Variants in TENM3 observed in about 807,000 individuals in gnomAD.
The protein encoded by TENM3 is teneurin-3.
Under a neutral mutation model 255.1 loss-of-function variants are expected in TENM3, and 63 were observed. The ratio of observed to expected loss-of-function variants is 0.25; its 90% confidence interval spans 0.20 to 0.30. The LOEUF (loss-of-function observed/expected upper bound fraction) is 0.30. TENM3 is among the 10% of genes least tolerant of loss of function. The probability of loss-of-function intolerance (pLI) is 1.00; values close to 1 mark genes in which losing one functional copy is unlikely to be tolerated. For synonymous variants in TENM3, 1,306 were observed against 1,322.3 expected, an observed-to-expected ratio of 0.99 and a Z score of 0.27; for missense variants, 2,929 against 3,461.1, an observed-to-expected ratio of 0.85 and a Z score of 3.86.
At chr4:181,728,992 C>T in the TENM3 span, among the ~76,000 whole-genome samples, 1 of 152,030 alleles carries the variant, frequency 6.6e-6, no homozygotes. Flanking sequence ...TTCAGTATAA[C>T]AATCAATTTA....
chr4:182,784,327 T>A (rs1293048055), intron 24 of TENM3, among the ~76,000 whole-genome samples: 1 of 151,886 alleles, frequency 6.6e-6, no homozygotes, highest in Non-Finnish European at 1.5e-5. Context: ...GAGGTGTCAG[T>A]GTGCCCCTGC....
chr4:182,161,268 T>G, intron 1 of TENM3, among the ~76,000 whole-genome samples: 2 of 137,786 alleles, frequency 1.5e-5, no homozygotes, highest in East Asian at 2.6e-4. Context: ...TACAAAAAAT[T>G]AGCCGGGCGT....
At chr4:181,992,988 T>A in the TENM3 span, among the ~76,000 whole-genome samples, 2 of 152,150 alleles carry the variant, frequency 1.3e-5, no homozygotes, top group South Asian at 2.1e-4. Context: ...AAGTATTCAA[T>A]AAGAGTAGAC....
intron 2 of TENM3, 77 bp from the exon 3 acceptor site, chr4:182,346,573 CT>C: frequency 9.4e-7 from 1 of 1,061,528 alleles, no homozygotes; most frequent in Non-Finnish European, 1.3e-6. Context: ...GAAAGACATT[CT>C]TAAAAAAAAA....
intron 1 of TENM3, among the ~76,000 whole-genome samples, chr4:182,271,071 T>C (rs1437146007): frequency 6.6e-6 from 1 of 152,248 alleles, no homozygotes; most frequent in African/African-American, 2.4e-5. Flanking sequence ...ACCCGTGTTC[T>C]CTTATCTCTG....
intron 4 of TENM3, among the ~76,000 whole-genome samples, chr4:182,617,578 A>G (rs1749657587): frequency 6.6e-6 from 1 of 152,212 alleles, no homozygotes; most frequent in South Asian, 2.1e-4. Flanking sequence ...AGAAGAACCT[A>G]TACCTTAAAA....
chr4:181,460,091 T>G, the TENM3 span, among the ~76,000 whole-genome samples: 1 of 151,940 alleles, frequency 6.6e-6, no homozygotes, highest in Non-Finnish European at 1.5e-5. Context: ...TTAAATGGTA[T>G]TGTAGTATAA....
At chr4:182,293,340 G>A (rs1761244463) in intron 1 of TENM3, among the ~76,000 whole-genome samples, 1 of 152,084 alleles carries the variant, frequency 6.6e-6, no homozygotes, top group Non-Finnish European at 1.5e-5. Flanking sequence ...ACGACAGCAG[G>A]TCCCTTATCA....
At chr4:181,796,259 G>A in the TENM3 span, among the ~76,000 whole-genome samples, 1 of 152,146 alleles carries the variant, frequency 6.6e-6, no homozygotes, top group African/African-American at 2.4e-5. Context: ...ACAGCCACTA[G>A]GTCTCGGACC....
At chr4:182,588,555 C>T (rs922636505) in intron 3 of TENM3, among the ~76,000 whole-genome samples, 1 of 151,994 alleles carries the variant, frequency 6.6e-6, no homozygotes, top group Non-Finnish European at 1.5e-5. Context: ...GAGAGAAAAG[C>T]GTTGATTGAT....
chr4:182,069,464 G>T, the TENM3 span, among the ~76,000 whole-genome samples: 2 of 152,048 alleles, frequency 1.3e-5, no homozygotes, highest in Non-Finnish European at 2.9e-5. Context: ...ATTCCTTCTA[G>T]CCCCCTTCTA....
chr4:182,344,424 T>A (rs1764670532), intron 2 of TENM3, among the ~76,000 whole-genome samples: 1 of 151,946 alleles, frequency 6.6e-6, no homozygotes, highest in African/African-American at 2.4e-5. Context: ...ATTTATGGAG[T>A]TTGGGATACG....
the TENM3 span, among the ~76,000 whole-genome samples, chr4:181,700,405 T>G: frequency 0.15 from 23,549 of 152,150 alleles, 2,377 homozygotes; most frequent in East Asian, 0.35. Context: ...AGAATCCATC[T>G]GCTAAAATTT....
At chr4:181,543,204 T>C in the TENM3 span, among the ~76,000 whole-genome samples, 1 of 152,174 alleles carries the variant, frequency 6.6e-6, no homozygotes, top group Admixed American at 6.5e-5. Context: ...GTCCAGAAAT[T>C]CCTTCAAACG....
chr4:181,505,384 A>C, the TENM3 span, among the ~76,000 whole-genome samples: 5 of 152,208 alleles, frequency 3.3e-5, no homozygotes, highest in Non-Finnish European at 5.9e-5. Flanking sequence ...CTACAAATGC[A>C]ATAATACCAG....
the TENM3 span, among the ~76,000 whole-genome samples, chr4:181,537,720 T>G: frequency 6.6e-6 from 1 of 152,180 alleles, no homozygotes; most frequent in Admixed American, 6.5e-5. Flanking sequence ...TTCCTCAAGG[T>G]CACGCAACTA....
At chr4:181,525,396 C>CAAAAAAAAAA in the TENM3 span, among the ~76,000 whole-genome samples, 2 of 97,292 alleles carry the variant, frequency 2.1e-5, no homozygotes, top group Non-Finnish European at 4.1e-5. Context: ...GACCCTGTTT[C>CAAAAAAAAAA]AAAAAAAAAA....
chr4:182,385,417 A>T (rs1767849418), intron 3 of TENM3, among the ~76,000 whole-genome samples: 1 of 151,832 alleles, frequency 6.6e-6, no homozygotes, highest in Non-Finnish European at 1.5e-5. Context: ...GGCACCCACA[A>T]CCAAGCCCGG....
rs762994218 is a variant in TENM3, at chr4:182,592,020, G to T, written c.512-8904G>T. ...CAGAGGGAAATAATGACTACTAAAT[G>T]TCTGCAATGTGTGTGAGATTTTCTG... is the stretch of plus-strand genomic sequence containing the variant. On this transcript the variant is annotated intron_variant, in intron 3 of 27. Transcript: ENST00000511685. Among the ~76,000 whole-genome samples the T allele has an allele frequency of 2.0e-5, 3 of 151,716 alleles. No homozygotes were observed. The East Asian group carries it at 5.8e-4, about 29-fold the overall frequency.
Sources: allele counts gnomAD v4.1 joint callset (sites outside exome capture counted in the v4.1 genomes callset), GRCh38; gene constraint gnomAD v4.1.1; transcripts MANE v1.5; gene names NCBI Gene and HGNC (gene_info 2026-07-23, HGNC 2026-07-21).